SNX29: variants seen among roughly 807,000 people sequenced by gnomAD.
SNX29 encodes sorting nexin 29, also known as sorting nexin-29.
SNX29 carries 78 observed loss-of-function variants against 102.1 expected under a neutral mutation model. That is an observed-to-expected ratio of 0.76 (90% confidence interval 0.64 to 0.92). The LOEUF (loss-of-function observed/expected upper bound fraction) is 0.92. Among genes scored for constraint, SNX29 ranks in the 40% least tolerant of loss-of-function variants. The pLI is 0.00. For synonymous variants in SNX29, 580 were observed against 414.5 expected (o/e 1.40, Z -4.85); for missense variants, 1,280 against 1,061.7 (o/e 1.21, Z -2.86).
chr16:12,222,224 A>G (rs1019202623), intron 14 of SNX29, among the ~76,000 whole-genome samples: 6 of 152,166 alleles, frequency 3.9e-5, no homozygotes, highest in African/African-American at 1.2e-4. Flanking sequence ...AAGCCTGGTA[A>G]AGTTACATTG....
chr16:12,384,898 T>C (rs2083291944), intron 16 of SNX29, among the ~76,000 whole-genome samples: 1 of 152,188 alleles, frequency 6.6e-6, no homozygotes, highest in Non-Finnish European at 1.5e-5. Context: ...AGGCCGGGCA[T>C]GGTGGCTCCT....
At chr16:12,233,331 G>A (rs558838754) in intron 14 of SNX29, among the ~76,000 whole-genome samples, 1 of 152,276 alleles carries the variant, frequency 6.6e-6, no homozygotes, top group Admixed American at 6.5e-5. Context: ...GCAAATTAGT[G>A]CCCCAACAGA....
chr16:12,411,961 C>T (rs756949996), intron 18 of SNX29, among the ~76,000 whole-genome samples: 27 of 152,124 alleles, frequency 1.8e-4, no homozygotes, highest in African/African-American at 5.8e-4. Flanking sequence ...GGCATGTCCC[C>T]GTGTTCAAAA....
intron 19 of SNX29, among the ~76,000 whole-genome samples, chr16:12,495,499 A>G (rs777535332): frequency 2.0e-5 from 3 of 152,352 alleles, no homozygotes; most frequent in African/African-American, 4.8e-5. Context: ...ACCCAGAATA[A>G]GTTAGTTCCC....
At chr16:12,547,397 G>C (rs1164556654) in intron 20 of SNX29, among the ~76,000 whole-genome samples, 2 of 152,184 alleles carry the variant, frequency 1.3e-5, no homozygotes, top group Non-Finnish European at 2.9e-5. Flanking sequence ...ATGGGTGATA[G>C]AACAGGTAGT....
chr16:12,050,280 T>C (rs926479018), intron 7 of SNX29, among the ~76,000 whole-genome samples: 4 of 152,202 alleles, frequency 2.6e-5, no homozygotes, highest in South Asian at 4.1e-4. Context: ...TGGAATTGGC[T>C]CAAAGTGTCT....
At chr16:12,210,439 C>T (rs533244027) in intron 14 of SNX29, among the ~76,000 whole-genome samples, 2 of 151,440 alleles carry the variant, frequency 1.3e-5, no homozygotes, top group African/African-American at 4.8e-5. Context: ...GCAATCCCTC[C>T]TGCCTCGGCC....
chr16:12,568,125 T>G (rs376811101), intron 20 of SNX29, among the ~76,000 whole-genome samples: 7 of 152,158 alleles, frequency 4.6e-5, no homozygotes, highest in African/African-American at 1.7e-4. Flanking sequence ...CTTTATGTAG[T>G]GTTCTCCAAA....
At chr16:12,272,303 G>A (rs1454675953) in intron 14 of SNX29, among the ~76,000 whole-genome samples, 1 of 152,182 alleles carries the variant, frequency 6.6e-6, no homozygotes, top group Non-Finnish European at 1.5e-5. Flanking sequence ...GTGTGGACTT[G>A]AAGCGGGTTG....
chr16:12,452,422 G>C (rs1384303874), intron 18 of SNX29, among the ~76,000 whole-genome samples: 1 of 22,706 alleles, frequency 4.4e-5, no homozygotes, highest in Admixed American at 4.6e-4. Flanking sequence ...CTCTGTGCCA[G>C]GGACTGTGCT....
At chr16:12,340,913 T>A (rs1216819765) in intron 15 of SNX29, among the ~76,000 whole-genome samples, 1 of 152,220 alleles carries the variant, frequency 6.6e-6, no homozygotes, top group Admixed American at 6.5e-5. Context: ...ATCCTTTGTC[T>A]GTCACCACTG....
intron 13 of SNX29, among the ~76,000 whole-genome samples, chr16:12,193,507 C>A (rs537157870): frequency 6.6e-6 from 1 of 151,870 alleles, no homozygotes; most frequent in South Asian, 2.1e-4. Flanking sequence ...CATAGCAAAT[C>A]CAGTTAAACT....
At chr16:12,442,948 C>T (rs897423723) in intron 18 of SNX29, 1 of 453,844 alleles carries the variant, frequency 2.2e-6, no homozygotes, top group Non-Finnish European at 4.4e-6. Flanking sequence ...ATTTCATATA[C>T]TTTGCCCATG....
chr16:12,195,256 G>T (rs1567299298), intron 13 of SNX29, among the ~76,000 whole-genome samples: 1 of 152,202 alleles, frequency 6.6e-6, no homozygotes, highest in African/African-American at 2.4e-5. Context: ...ATTATAGGAG[G>T]ATGCACCATA....
At chr16:12,446,881 A>G (rs1490526505) in intron 18 of SNX29, among the ~76,000 whole-genome samples, 1 of 152,062 alleles carries the variant, frequency 6.6e-6, no homozygotes, top group Admixed American at 6.6e-5. Flanking sequence ...TATGTAAAAT[A>G]GGAGCCAGGT....
At chr16:12,425,805 C>G (rs952709102) in intron 18 of SNX29, among the ~76,000 whole-genome samples, 1 of 152,040 alleles carries the variant, frequency 6.6e-6, no homozygotes, top group African/African-American at 2.4e-5. Flanking sequence ...TTGTGAGCAT[C>G]TTGTGCTGAG....
intron 14 of SNX29, among the ~76,000 whole-genome samples, chr16:12,263,037 C>T (rs944188243): frequency 4.6e-5 from 7 of 152,112 alleles, no homozygotes; most frequent in Admixed American, 2.6e-4. Context: ...ATGTAAAGTG[C>T]TTGCCGTGGT....
chr16:12,005,962 T>C (rs1254511354), intron 3 of SNX29, among the ~76,000 whole-genome samples: 1 of 152,212 alleles, frequency 6.6e-6, no homozygotes, highest in Non-Finnish European at 1.5e-5. Flanking sequence ...ATAGAAAATG[T>C]TCTATTTTAT....
At chr16:12,421,912 C>T (rs184213860) in intron 18 of SNX29, among the ~76,000 whole-genome samples, 1,668 of 71,788 alleles carry the variant, frequency 0.023, 38 homozygotes, top group African/African-American at 0.046. Context: ...CATCACCAGC[C>T]GTCCATCACC....
Sources: gnomAD v4.1 joint callset for allele counts (sites outside exome capture counted in the v4.1 genomes callset) on GRCh38, gnomAD v4.1.1 for gene constraint, MANE v1.5 for transcripts, NCBI Gene and HGNC (gene_info 2026-07-23, HGNC 2026-07-21) for gene names.